Variants in MEGF9 observed in about 807,000 individuals in gnomAD.
MEGF9 encodes the protein multiple EGF like domains 9, also known as multiple epidermal growth factor-like domains protein 9.
Under a neutral mutation model 46.8 loss-of-function variants are expected in MEGF9, and 6 were observed. The ratio of observed to expected loss-of-function variants is 0.13; its 90% CI spans 0.07 to 0.25. MEGF9 has a LOEUF of 0.25. Ranked by LOEUF, MEGF9 falls within the 10% of genes least tolerant of loss-of-function variation. MEGF9 has a pLI of 1.00. For synonymous variants in MEGF9, 302 were observed against 330.7 expected (o/e 0.91, Z 0.94); for missense variants, 683 against 792.4 (o/e 0.86, Z 1.66).
intron 2 of MEGF9, among the ~76,000 whole-genome samples, chr9:120,653,306 T>C (rs2043661687): frequency 6.6e-6 from 1 of 152,184 alleles, no homozygotes. Context: ...GCTTTTAAAC[T>C]ACTTCTGTGA....
At chr9:120,633,438 A>G (rs1032143437) in intron 2 of MEGF9, among the ~76,000 whole-genome samples, 1 of 151,980 alleles carries the variant, frequency 6.6e-6, no homozygotes, top group Non-Finnish European at 1.5e-5. Flanking sequence ...CATCAGTTGT[A>G]ATGTCCTCTT....
At chr9:120,646,777 G>C (rs1168365187) in intron 2 of MEGF9, among the ~76,000 whole-genome samples, 1 of 151,982 alleles carries the variant, frequency 6.6e-6, no homozygotes, top group Admixed American at 6.6e-5. Flanking sequence ...CTCTCACAAG[G>C]CTTATTAAAT....
At chr9:120,665,039 G>C (rs1208510363) in intron 1 of MEGF9, among the ~76,000 whole-genome samples, 5 of 151,976 alleles carry the variant, frequency 3.3e-5, no homozygotes, top group Non-Finnish European at 7.4e-5. Context: ...CTCTCTTCTA[G>C]CTTTTTGAAA....
chr9:120,650,795 TC>T (rs928929070), intron 2 of MEGF9, among the ~76,000 whole-genome samples: 7 of 151,954 alleles, frequency 4.6e-5, no homozygotes, highest in African/African-American at 1.4e-4. Context: ...CATTGTATAA[TC>T]AGGAAATTCA....
chr9:120,685,156 C>A (rs939612099), intron 1 of MEGF9, among the ~76,000 whole-genome samples: 1 of 152,168 alleles, frequency 6.6e-6, no homozygotes, highest in East Asian at 1.9e-4. Flanking sequence ...TTTTTAAATG[C>A]GATTTTGGAA....
chr9:120,713,393 T>C (rs1459517524), intron 1 of MEGF9, among the ~76,000 whole-genome samples: 3 of 152,264 alleles, frequency 2.0e-5, no homozygotes, highest in Admixed American at 1.3e-4. Context: ...AAGGAGGTAC[T>C]ATGCGGGCTT....
chr9:120,695,341 C>T (rs1205219027), intron 1 of MEGF9, among the ~76,000 whole-genome samples: 1 of 151,958 alleles, frequency 6.6e-6, no homozygotes, highest in Non-Finnish European at 1.5e-5. Flanking sequence ...CGCGGTAGCT[C>T]ACGCCTGTAA....
intron 2 of MEGF9, among the ~76,000 whole-genome samples, chr9:120,645,987 C>T (rs981670442): frequency 6.6e-6 from 1 of 152,184 alleles, no homozygotes; most frequent in African/African-American, 2.4e-5. Context: ...ATGGTAAGCA[C>T]AGGGAGAGGG....
chr9:120,697,255 G>A (rs928675971), intron 1 of MEGF9, among the ~76,000 whole-genome samples: 3 of 152,110 alleles, frequency 2.0e-5, no homozygotes, highest in African/African-American at 7.2e-5. Context: ...GCTAGTTTTT[G>A]CATTTTTTGT....
Position 120,605,420 on chromosome 9 carries a change from G to A in MEGF9, c.1579C>T (p.Leu527=). Reference sequence around the variant, plus strand: ...ACAGCCCCCACAAATCCCATTAGCAGCACCACAACAATGATGATGACTGTC... The same window carrying A: ...ACAGCCCCCACAAATCCCATTAGCAACACCACAACAATGATGATGACTGTC... ...ILTVIIIVVV[L]LMGFVGAVYM... is the part of the protein sequence containing the mutation. Residue 527 remains leucine, a synonymous_variant, in exon 6 of 6, where the codon CTG becomes TTG. Transcript: ENST00000373930. This position sits in a 1 kb window ranked among gnomAD's most constrained non-coding sequence, Gnocchi z 4.0. 1 of 1,614,020 alleles carries A rather than the reference G, an allele frequency of 6.2e-7. No homozygotes were observed. The highest frequency in any genetic ancestry group is 8.5e-7 in the Non-Finnish European group (1 of 1,179,898).
Position 120,622,965 on chromosome 9 carries a change from CAAAT to C in MEGF9, c.804-214_804-211del, listed in dbSNP as rs533321441. Among the ~76,000 whole-genome samples the C allele has an allele frequency of 3.7e-4, 56 of 152,160 alleles. No homozygotes were observed. In the South Asian group the frequency reaches 4.2e-3, roughly 11 times the overall value. On this transcript the variant is annotated intron_variant, in intron 2 of 5. Coordinates refer to ENST00000373930, the MANE Select transcript of MEGF9 (RefSeq NM_001080497.3). ...TTGCATAATGCAATTTCTTAGCTAACAAATAATTTTACAGAAAATTTAAAATGGA... is the reference window on the plus strand; with the variant it reads ...TTGCATAATGCAATTTCTTAGCTAACAATTTTACAGAAAATTTAAAATGGA...
chr9:120,675,662 G>A (rs1026390739), intron 1 of MEGF9, among the ~76,000 whole-genome samples: 5 of 150,494 alleles, frequency 3.3e-5, no homozygotes, highest in African/African-American at 9.9e-5. Flanking sequence ...GCCGAGGGGG[G>A]TGGATCACAA....
Position 120,612,470 on chromosome 9 carries a change from T to C in MEGF9, c.1013A>G (p.Gln338Arg). 1.2e-6 allele frequency: 2 copies of C among 1,613,678 alleles called. No homozygotes were observed. Among genetic ancestry groups the C allele is most frequent in the Non-Finnish European group, 1.7e-6 (2 of 1,179,656 alleles). Residue 338 changes from glutamine (Q) to arginine (R), a missense_variant, in exon 4 of 6, where the codon CAG (glutamine) becomes CGG (arginine). Coordinates refer to ENST00000373930, the MANE Select transcript of MEGF9 (RefSeq NM_001080497.3). ...HCEECKEGFY[Q>R]SPDATKECLR... is the part of the protein sequence containing the mutation. ...ACATTCTTTAGTGGCATCAGGACTC[T>C]GATAAAATCCTTCTTTACATTCTTC...
At chr9:120,676,913 G>C (rs1302539122) in intron 1 of MEGF9, among the ~76,000 whole-genome samples, 1 of 152,154 alleles carries the variant, frequency 6.6e-6, no homozygotes, top group Non-Finnish European at 1.5e-5. Context: ...ACTTAGAGAA[G>C]CTAAGTGCTT....
chr9:120,627,279 CTAGT>C (rs1217716247), intron 2 of MEGF9, among the ~76,000 whole-genome samples: 2 of 152,080 alleles, frequency 1.3e-5, no homozygotes, highest in Admixed American at 6.5e-5. Flanking sequence ...TTTCTACCAA[CTAGT>C]TAATGATTTA....
chr9:120,635,662 G>T (rs1168814487), intron 2 of MEGF9, among the ~76,000 whole-genome samples: 2 of 151,728 alleles, frequency 1.3e-5, no homozygotes, highest in Non-Finnish European at 2.9e-5. Context: ...AGGATTTCTG[G>T]TTGGTTCTTT....
chr9:120,707,650 G>C (rs1420177845), intron 1 of MEGF9, among the ~76,000 whole-genome samples: 1 of 152,182 alleles, frequency 6.6e-6, no homozygotes, highest in African/African-American at 2.4e-5. Flanking sequence ...ACACGAGTAA[G>C]TAAGATCCTG....
At chr9:120,616,113 A>C (rs1179504730) in intron 3 of MEGF9, among the ~76,000 whole-genome samples, 1 of 152,106 alleles carries the variant, frequency 6.6e-6, no homozygotes, top group African/African-American at 2.4e-5. Context: ...TCTAGAAATT[A>C]TCTCTAGTAT....
chr9:120,634,446 CTTTTTTTTTTTTTTTT>C (rs1158273579), intron 2 of MEGF9, among the ~76,000 whole-genome samples: 2 of 46,908 alleles, frequency 4.3e-5, no homozygotes, highest in African/African-American at 8.2e-5. Context: ...TGTGGAATAT[CTTTTTTTTTTTTTTTT>C]TTTTTTTTTT....
Sources: allele counts gnomAD v4.1 joint callset (sites outside exome capture counted in the v4.1 genomes callset), GRCh38; gene constraint gnomAD v4.1.1; non-coding constraint Gnocchi (gnomAD v3.1); transcripts MANE v1.5; gene names NCBI Gene and HGNC (gene_info 2026-07-23, HGNC 2026-07-21).